Variants in GABRB1 observed in about 807,000 individuals in gnomAD.
The protein encoded by GABRB1 is gamma-aminobutyric acid receptor subunit beta-1.
Under a neutral mutation model 51.6 loss-of-function variants are expected in GABRB1, and 17 were observed. The ratio of observed to expected loss-of-function variants is 0.33; its 90% CI spans 0.23 to 0.49. The LOEUF (loss-of-function observed/expected upper bound fraction) is 0.49, where lower values mean the gene tolerates loss of function less well. GABRB1 is among the 20% of genes least tolerant of loss of function. The probability of loss-of-function intolerance (pLI) is 0.99; values close to 1 mark genes in which losing one functional copy is unlikely to be tolerated. For missense variants in GABRB1, 410 were observed against 600.6 expected (o/e 0.68, Z 3.32); for synonymous variants, 247 against 218.9 (o/e 1.13, Z -1.14).
intron 3 of GABRB1, among the ~76,000 whole-genome samples, chr4:47,097,488 T>A (rs1213356219): frequency 6.7e-6 from 1 of 148,930 alleles, no homozygotes; most frequent in Non-Finnish European, 1.5e-5. Context: ...GTACTTCCTA[T>A]CCAATTTTCT....
intron 3 of GABRB1, among the ~76,000 whole-genome samples, chr4:47,129,425 G>T (rs1020291497): frequency 6.6e-6 from 1 of 152,090 alleles, no homozygotes; most frequent in Non-Finnish European, 1.5e-5. Context: ...CGTGAATTTA[G>T]TCTTGTCAAA....
intron 4 of GABRB1, among the ~76,000 whole-genome samples, chr4:47,188,865 A>G (rs1719306027): frequency 6.6e-6 from 1 of 152,016 alleles, no homozygotes; most frequent in Admixed American, 6.6e-5. Context: ...ATTACAATAA[A>G]TGTGCATCAA....
At chr4:47,093,722 T>C (rs1336699608) in intron 3 of GABRB1, among the ~76,000 whole-genome samples, 1 of 152,212 alleles carries the variant, frequency 6.6e-6, no homozygotes, top group East Asian at 1.9e-4. Flanking sequence ...TACCTATTAA[T>C]ATTTGCATTG....
At chr4:47,214,337 C>T (rs1037394722) in intron 4 of GABRB1, among the ~76,000 whole-genome samples, 1 of 152,164 alleles carries the variant, frequency 6.6e-6, no homozygotes, top group African/African-American at 2.4e-5. Context: ...CTTCTCATTT[C>T]CTTGCAGTCT....
chr4:47,027,482 A>T (rs1407699476), upstream of GABRB1, among the ~76,000 whole-genome samples: 2 of 151,684 alleles, frequency 1.3e-5, no homozygotes, highest in Non-Finnish European at 3.0e-5. Flanking sequence ...GCAAAGTGAA[A>T]AATGCATTTT....
intron 8 of GABRB1, among the ~76,000 whole-genome samples, chr4:47,413,050 C>T (rs1424630135): frequency 6.6e-6 from 1 of 152,220 alleles, no homozygotes; most frequent in African/African-American, 2.4e-5. Flanking sequence ...TACCTGGCTT[C>T]CAGGTAGCCC....
chr4:47,107,932 T>C (rs1345421196), intron 3 of GABRB1, among the ~76,000 whole-genome samples: 1 of 152,080 alleles, frequency 6.6e-6, no homozygotes, highest in African/African-American at 2.4e-5. Context: ...TGCTAACATT[T>C]GAATTCTTTT....
intron 5 of GABRB1, among the ~76,000 whole-genome samples, chr4:47,347,197 G>C (rs989499169): frequency 6.6e-6 from 1 of 151,956 alleles, no homozygotes; most frequent in Non-Finnish European, 1.5e-5. Flanking sequence ...CATGAGACTT[G>C]CTCCAACCCA....
intron 4 of GABRB1, among the ~76,000 whole-genome samples, chr4:47,209,951 T>A (rs138629987): frequency 1.3e-5 from 2 of 152,140 alleles, no homozygotes; most frequent in African/African-American, 2.4e-5. Flanking sequence ...CCAAAAGTTT[T>A]AGCCTTATTA....
At chr4:47,358,885 G>T (rs548808043) in intron 5 of GABRB1, among the ~76,000 whole-genome samples, 2 of 151,978 alleles carry the variant, frequency 1.3e-5, no homozygotes, top group Non-Finnish European at 2.9e-5. Flanking sequence ...GTTTGTGTGG[G>T]GACCCCCGGT....
chr4:47,017,000 C>T (rs1156505475), intron 1 of GABRB1, among the ~76,000 whole-genome samples: 2 of 152,120 alleles, frequency 1.3e-5, no homozygotes, highest in East Asian at 1.9e-4. Flanking sequence ...GAAATTTTAA[C>T]TTTTAATACA....
At chr4:47,247,373 G>C (rs907090859) in intron 4 of GABRB1, among the ~76,000 whole-genome samples, 2 of 152,146 alleles carry the variant, frequency 1.3e-5, no homozygotes, top group Middle Eastern at 3.4e-3. Context: ...TGTTCCATTG[G>C]TCTGTGTGCC....
chr4:47,136,425 T>C (rs1293550278), intron 3 of GABRB1, among the ~76,000 whole-genome samples: 1 of 151,890 alleles, frequency 6.6e-6, no homozygotes, highest in Non-Finnish European at 1.5e-5. Context: ...CTAAAAAAAA[T>C]GGTAACTGCT....
At chr4:47,290,804 G>A (rs1387963632) in intron 4 of GABRB1, among the ~76,000 whole-genome samples, 1 of 152,178 alleles carries the variant, frequency 6.6e-6, no homozygotes, top group Admixed American at 6.5e-5. Context: ...AGGGTATCTG[G>A]TGGAAGAAAT....
At chr4:47,391,677 T>C (rs1560365357) in intron 5 of GABRB1, among the ~76,000 whole-genome samples, 1 of 152,236 alleles carries the variant, frequency 6.6e-6, no homozygotes, top group South Asian at 2.1e-4. Context: ...TGTGAAGGTG[T>C]CCTTCATCAG....
intron 3 of GABRB1, among the ~76,000 whole-genome samples, chr4:47,062,389 AT>A (rs1726879630): frequency 6.7e-6 from 1 of 148,320 alleles, no homozygotes; most frequent in South Asian, 2.1e-4. Flanking sequence ...AGAAAATGTT[AT>A]GCCTTTCTCT....
chr4:47,271,121 T>C (rs1404591072), intron 4 of GABRB1, among the ~76,000 whole-genome samples: 1 of 152,136 alleles, frequency 6.6e-6, no homozygotes, highest in Admixed American at 6.6e-5. Flanking sequence ...ATAAATAATA[T>C]AGAAAATGCA....
intron 1 of GABRB1, among the ~76,000 whole-genome samples, chr4:47,006,984 C>T (rs537886299): frequency 2.0e-5 from 3 of 151,892 alleles, no homozygotes; most frequent in African/African-American, 7.2e-5. Flanking sequence ...GCAAAGCCTA[C>T]AAAAAATTAG....
At chr4:47,154,575 T>C (rs1044778022) in intron 3 of GABRB1, among the ~76,000 whole-genome samples, 2 of 152,186 alleles carry the variant, frequency 1.3e-5, no homozygotes, top group Non-Finnish European at 1.5e-5. Flanking sequence ...TATGCAATTA[T>C]TGGTAATGAG....
Sources: allele counts gnomAD v4.1 joint callset (sites outside exome capture counted in the v4.1 genomes callset), GRCh38; gene constraint gnomAD v4.1.1; transcripts MANE v1.5; gene names NCBI Gene and HGNC (gene_info 2026-07-23, HGNC 2026-07-21).